PGRMC2: variants seen among roughly 807,000 people sequenced by gnomAD.
The protein encoded by PGRMC2 is progesterone receptor membrane component 2.
PGRMC2 carries 9 observed loss-of-function variants against 19.3 expected under a neutral mutation model. The observed-to-expected ratio is 0.47, with a 90% CI of 0.28 to 0.81. PGRMC2 has a LOEUF of 0.81. PGRMC2 is among the 40% of genes least tolerant of loss of function. The probability of loss-of-function intolerance (pLI) is 0.11; values close to 1 mark genes in which losing one functional copy is unlikely to be tolerated. For synonymous variants in PGRMC2, 157 were observed against 124.6 expected (o/e 1.26, Z -1.73); for missense variants, 289 against 297.3 (o/e 0.97, Z 0.21).
intron 2 of PGRMC2, 32 bp downstream of exon 2, chr4:128,272,330 A>C: frequency 7.4e-7 from 1 of 1,344,960 alleles, no homozygotes; most frequent in African/African-American, 1.5e-5. Flanking sequence ...CAAATATTTA[A>C]TTTTCCAAAG....
chr4:128,282,305 T>C (rs1157615706), intron 1 of PGRMC2, among the ~76,000 whole-genome samples: 2 of 152,222 alleles, frequency 1.3e-5, no homozygotes, highest in Admixed American at 6.5e-5. Context: ...TATACAGTCA[T>C]GTCTGTCTTG....
chr4:128,279,038 G>A (rs536236840), intron 1 of PGRMC2, among the ~76,000 whole-genome samples: 2 of 152,070 alleles, frequency 1.3e-5, no homozygotes, highest in African/African-American at 4.8e-5. Context: ...GAGAAACCCC[G>A]TCTCTACTAA....
chr4:128,286,643 C>G (rs1760987250), intron 1 of PGRMC2: 1 of 398,370 alleles, frequency 2.5e-6, no homozygotes, highest in African/African-American at 2.1e-5. Flanking sequence ...AGCTCCACCC[C>G]CAAAACTCAA....
intron 1 of PGRMC2, chr4:128,272,974 AC>A (rs1760755742): frequency 6.6e-6 from 1 of 152,320 alleles, no homozygotes; most frequent in African/African-American, 2.4e-5. Context: ...TGAATCTGTA[AC>A]ATTTTTCTTT....
At chr4:128,280,185 A>C (rs1179818617) in intron 1 of PGRMC2, among the ~76,000 whole-genome samples, 2 of 152,084 alleles carry the variant, frequency 1.3e-5, no homozygotes, top group Non-Finnish European at 2.9e-5. Flanking sequence ...ATACAGAAGC[A>C]GATTAAAGAA....
At chr4:128,278,298 G>A (rs1254839327) in intron 1 of PGRMC2, among the ~76,000 whole-genome samples, 1 of 152,218 alleles carries the variant, frequency 6.6e-6, no homozygotes, top group African/African-American at 2.4e-5. Flanking sequence ...GGGACAACTA[G>A]ATAACCTTCT....
intron 1 of PGRMC2, 23 bp downstream of exon 1, chr4:128,287,350 C>T (rs1460305923): frequency 3.2e-6 from 5 of 1,579,122 alleles, no homozygotes; most frequent in African/African-American, 1.4e-5. Flanking sequence ...GGGGGTCCTT[C>T]CCCTCCCCTT....
Position 128,271,062 on chromosome 4 carries a change from A to G in PGRMC2, c.*254T>C. 1 of 310,026 alleles carries G rather than the reference A, an allele frequency of 3.2e-6. No homozygotes were observed. The highest frequency in any genetic ancestry group is 5.9e-6 in the Non-Finnish European group (1 of 170,128). 19.2% of individuals were successfully genotyped at this position (310,026 alleles called of 1,614,324 possible). A position where few individuals can be genotyped will look rare whatever the true frequency, so the allele number is the denominator to read the frequency against. ...TAATATTGTGACTTTCTTGCTCTTT[A>G]AAAAAATCCCTGTCTCCTTCTTTTC... is the stretch of plus-strand genomic sequence containing the variant. On this transcript the variant is annotated 3_prime_UTR_variant, in exon 3 of 3. Transcript: ENST00000296425.
intron 1 of PGRMC2, among the ~76,000 whole-genome samples, chr4:128,276,344 AT>A (rs200409727): frequency 1.3e-5 from 2 of 151,416 alleles, no homozygotes; most frequent in South Asian, 2.1e-4. Flanking sequence ...TTGTATTAGT[AT>A]TTTTTTTTGA....
chr4:128,283,602 T>C (rs1368216843), intron 1 of PGRMC2, among the ~76,000 whole-genome samples: 1 of 152,230 alleles, frequency 6.6e-6, no homozygotes, highest in Non-Finnish European at 1.5e-5. Flanking sequence ...TTAATTTACT[T>C]TTAATTAGCC....
At chr4:128,284,512 T>C (rs1760956193) in intron 1 of PGRMC2, among the ~76,000 whole-genome samples, 2 of 152,206 alleles carry the variant, frequency 1.3e-5, no homozygotes, top group Admixed American at 6.5e-5. Context: ...AAATTTAATA[T>C]TGGCAAATAC....
At chr4:128,285,251 C>G (rs977652969) in intron 1 of PGRMC2, among the ~76,000 whole-genome samples, 3 of 152,126 alleles carry the variant, frequency 2.0e-5, no homozygotes, top group Non-Finnish European at 4.4e-5. Flanking sequence ...CTCCGCCTCC[C>G]GAGTAGCTGG....
intron 1 of PGRMC2, among the ~76,000 whole-genome samples, chr4:128,282,399 A>C (rs1760921139): frequency 6.6e-6 from 1 of 152,236 alleles, no homozygotes; most frequent in Non-Finnish European, 1.5e-5. Flanking sequence ...AGATGTTATT[A>C]AATCTACTCC....
Position 128,287,624 on chromosome 4 carries a change from A to G in PGRMC2, c.167T>C (p.Leu56Pro). 1.3e-6 allele frequency: 2 copies of G among 1,523,932 alleles called. No homozygotes were observed. Among genetic ancestry groups the G allele is most frequent in the East Asian group, 5.0e-5 (2 of 40,058 alleles). 94.4% of individuals were successfully genotyped at this position (1,523,932 alleles called of 1,614,324 possible). Residue 56 changes from leucine (L) to proline (P), a missense_variant, in exon 1 of 3, where the codon CTG (leucine) becomes CCG (proline). Transcript: ENST00000296425. ...ALLTGGGEML[L>P]NVALVALVLL... ...CACCAGAGCCACCAGCGCCACGTTC[A>G]GCAGCATTTCCCCGCCCCCCGTCAG...
At chr4:128,276,749 TATA>T (rs1318621879) in intron 1 of PGRMC2, among the ~76,000 whole-genome samples, 1 of 152,218 alleles carries the variant, frequency 6.6e-6, no homozygotes, top group Non-Finnish European at 1.5e-5. Context: ...AATATTAAAA[TATA>T]ATGCTGATCC....
At position 128,286,940 on chromosome 4, in the gene PGRMC2, G is replaced by A. The variant is rs977978120; in HGVS notation, c.418+433C>T. On this transcript the variant is annotated intron_variant, in intron 1 of 2. Coordinates refer to ENST00000296425, the MANE Select transcript of PGRMC2 (RefSeq NM_006320.6). ...GTGAATTACAGAGCCCAAAACTTTA[G>A]TTTAGGTCCCAACTTCAGAAATCTC... 2.1e-5 allele frequency: 8 copies of A among 386,014 alleles called. 1 individual carries two copies. The Admixed American group carries it at 3.1e-4, about 15-fold the overall frequency. The allele number at this position is 386,014 out of a possible 1,614,324, so 23.9% of individuals were successfully genotyped here.
In PGRMC2 at chr4:128,269,752, GGGGCTTTTAGTAA is replaced by G. The variant is rs1455695789; in HGVS notation, c.*1551_*1563del. ...ATGAAATAAAGTAATTGATATATGA[GGGGCTTTTAGTAA>G]GGGCTTTTTCAACCTAATAAAATAA... On this transcript the variant is annotated 3_prime_UTR_variant, in exon 3 of 3. Transcript: ENST00000296425. 5 of 152,288 alleles carry G rather than the reference GGGGCTTTTAGTAA, an allele frequency of 3.3e-5. No homozygotes were observed. 9.4% of individuals were successfully genotyped at this position (152,288 alleles called of 1,614,324 possible).
chr4:128,285,238 T>G (rs1360677130), intron 1 of PGRMC2, among the ~76,000 whole-genome samples: 1 of 152,180 alleles, frequency 6.6e-6, no homozygotes. Flanking sequence ...CAACTCTCCC[T>G]GCCTCCGCCT....
rs932779360 is a variant in PGRMC2 at position 128,269,672 on chromosome 4, A to G, written c.*1644T>C. 1 of 152,178 alleles carries G rather than the reference A, an allele frequency of 6.6e-6. No individual in the cohort carries two copies. Among genetic ancestry groups the G allele is most frequent in the African/African-American group, 2.4e-5 (1 of 41,432 alleles). The allele number at this position is 152,178 out of a possible 1,614,324, so 9.4% of individuals were successfully genotyped here. A position where few individuals can be genotyped will look rare whatever the true frequency, so the allele number is the denominator to read the frequency against. On this transcript the variant is annotated 3_prime_UTR_variant, in exon 3 of 3. Transcript: ENST00000296425. ...GAAGTCTTAACTGGTGACCTGTTAA[A>G]TAACATTGCCTTTTTAAGTGAACTT...
Sources: allele counts gnomAD v4.1 joint callset (sites outside exome capture counted in the v4.1 genomes callset), GRCh38; gene constraint gnomAD v4.1.1; transcripts MANE v1.5; gene names NCBI Gene and HGNC (gene_info 2026-07-23, HGNC 2026-07-21).